The following WDPCP variants were observed in gnomAD, a reference collection of about 807,000 sequenced individuals.
The protein encoded by WDPCP is WD repeat containing planar cell polarity effector.
In WDPCP, 71 loss-of-function variants were observed where a neutral mutation model predicts 93.1. That is an observed-to-expected ratio of 0.76 (90% CI 0.63 to 0.93). The LOEUF (loss-of-function observed/expected upper bound fraction) is 0.93. Ranked by LOEUF, WDPCP falls within the 40% of genes least tolerant of loss-of-function variation. The probability of loss-of-function intolerance (pLI) is 0.00; values close to 1 mark genes in which losing one functional copy is unlikely to be tolerated. For synonymous variants in WDPCP, 315 were observed against 315.0 expected, an observed-to-expected ratio of 1.00 and a Z score of 0.00; for missense variants, 844 against 887.4, an observed-to-expected ratio of 0.95 and a Z score of 0.62.
chr2:63,592,538 G>T (rs1044584260), upstream of WDPCP, among the ~76,000 whole-genome samples: 1 of 152,080 alleles, frequency 6.6e-6, no homozygotes, highest in Non-Finnish European at 1.5e-5. Context: ...AAGAGACAGG[G>T]TTTCACTATG....
At chr2:63,838,042 C>T in the WDPCP span, among the ~76,000 whole-genome samples, 1 of 152,114 alleles carries the variant, frequency 6.6e-6, no homozygotes, top group South Asian at 2.1e-4. Flanking sequence ...TTGCATTGAG[C>T]CGAGATCGCA....
intron 1 of WDPCP, chr2:63,571,249 C>A: frequency 2.6e-6 from 1 of 388,568 alleles, no homozygotes; most frequent in Non-Finnish European, 5.0e-6. Context: ...TCACTTTCCT[C>A]ATGTGTAAAA....
At chr2:63,268,849 G>T (rs1682382050) in intron 13 of WDPCP, among the ~76,000 whole-genome samples, 1 of 152,054 alleles carries the variant, frequency 6.6e-6, no homozygotes, top group African/African-American at 2.4e-5. Context: ...ATGTGAATTA[G>T]CTCAAGGGAA....
intron 14 of WDPCP, among the ~76,000 whole-genome samples, chr2:63,202,988 A>T (rs1676034957): frequency 6.6e-6 from 1 of 151,988 alleles, no homozygotes; most frequent in Admixed American, 6.6e-5. Flanking sequence ...CGGGCCTCAA[A>T]TTTGTCATAT....
chr2:63,467,309 A>G (rs1292692910), intron 6 of WDPCP, among the ~76,000 whole-genome samples: 1 of 151,690 alleles, frequency 6.6e-6, no homozygotes, highest in Non-Finnish European at 1.5e-5. Context: ...GTGAAACCCC[A>G]TCTCTACTAA....
intron 2 of WDPCP, among the ~76,000 whole-genome samples, chr2:63,806,205 G>A (rs1039253495): frequency 5.3e-5 from 8 of 152,212 alleles, no homozygotes; most frequent in South Asian, 2.1e-4. Context: ...TTTCCTAAGC[G>A]TCGGCCAGCT....
chr2:63,640,920 C>T lies in WDPCP; in HGVS notation n.488+9739G>A, dbSNP rs576059110. On this transcript the variant is annotated intron_variant and non_coding_transcript_variant, in intron 3 of 4. Transcript: ENST00000467687. ...AAATGCTAGGTCTTATTCATGCTTT[C>T]GAACTATTTTTTGTACCCGTTAACC... Among the ~76,000 whole-genome samples the T allele has an allele frequency of 3.9e-5, 6 of 152,272 alleles. No homozygotes were observed. The East Asian group carries it at 7.7e-4, about 20-fold the overall frequency.
At chr2:63,272,202 C>T (rs1318861438) in intron 13 of WDPCP, among the ~76,000 whole-genome samples, 1 of 152,172 alleles carries the variant, frequency 6.6e-6, no homozygotes, top group Non-Finnish European at 1.5e-5. Flanking sequence ...CTAACAACTG[C>T]AGCCCAAGCA....
chr2:63,257,329 G>C (rs945047641), intron 14 of WDPCP, among the ~76,000 whole-genome samples: 23 of 152,102 alleles, frequency 1.5e-4, no homozygotes, highest in Non-Finnish European at 1.5e-5. Context: ...GAATTAAATT[G>C]AGGGAATTTG....
chr2:63,389,659 G>A (rs185886263), intron 10 of WDPCP, among the ~76,000 whole-genome samples: 11 of 152,206 alleles, frequency 7.2e-5, no homozygotes, highest in South Asian at 6.2e-4. Context: ...CCCATCTCAC[G>A]TGCAGAGACA....
intron 1 of WDPCP, among the ~76,000 whole-genome samples, chr2:63,524,095 C>A (rs1247071033): frequency 6.6e-6 from 1 of 152,118 alleles, no homozygotes; most frequent in Non-Finnish European, 1.5e-5. Flanking sequence ...TTGCAAAACA[C>A]TTCTCAAACA....
chr2:63,550,729 ATATATGTGCATATGTATG>A (rs1227040258), intron 1 of WDPCP, among the ~76,000 whole-genome samples: 2 of 150,662 alleles, frequency 1.3e-5, no homozygotes, highest in African/African-American at 4.9e-5. Context: ...ATATATACAT[ATATATGTGCATATGTATG>A]TGTATATATA....
chr2:63,567,508 T>C (rs1707163594), intron 1 of WDPCP, among the ~76,000 whole-genome samples: 1 of 152,216 alleles, frequency 6.6e-6, no homozygotes, highest in African/African-American at 2.4e-5. Flanking sequence ...CTAGCTTCTC[T>C]TGAGCCCCCA....
At chr2:63,731,225 C>T (rs966300667) in intron 2 of WDPCP, among the ~76,000 whole-genome samples, 10 of 146,920 alleles carry the variant, frequency 6.8e-5, no homozygotes, top group South Asian at 4.3e-4. Flanking sequence ...GCTGAGATTG[C>T]GACACTGCAC....
chr2:63,479,923 T>C (rs1700173384), intron 6 of WDPCP, among the ~76,000 whole-genome samples: 1 of 152,056 alleles, frequency 6.6e-6, no homozygotes, highest in East Asian at 1.9e-4. Context: ...TCCAAATGGG[T>C]AAAGAGGAAG....
rs894096866 is a variant in WDPCP, at chr2:63,721,928, G to A, written n.309-71090C>T. 3.3e-5 allele frequency among the ~76,000 whole-genome samples: 5 copies of A among 152,250 alleles called. No homozygotes were observed. The East Asian group carries it at 5.8e-4, about 18-fold the overall frequency. On this transcript the variant is annotated intron_variant and non_coding_transcript_variant, in intron 2 of 4. Coordinates refer to the WDPCP transcript ENST00000467687. ...CTGGTTTTGGTGGAGATGGGGTTTCGCTGTGTTGGCCAGGCCGGTCTCCAG... is the reference window on the plus strand; with the variant it reads ...CTGGTTTTGGTGGAGATGGGGTTTCACTGTGTTGGCCAGGCCGGTCTCCAG...
intron 12 of WDPCP, among the ~76,000 whole-genome samples, chr2:63,361,779 G>A (rs1018757389): frequency 6.6e-6 from 1 of 152,156 alleles, no homozygotes; most frequent in Admixed American, 6.5e-5. Flanking sequence ...GAGGAGCAGT[G>A]AGGACAAGGC....
chr2:63,752,246 A>G (rs1040233906), intron 2 of WDPCP: 7 of 775,824 alleles, frequency 9.0e-6, no homozygotes, highest in East Asian at 7.5e-5. Flanking sequence ...AATCACTTCA[A>G]TTTTTCCATA....
chr2:63,561,296 G>A (rs1446913869), intron 1 of WDPCP, among the ~76,000 whole-genome samples: 1 of 152,064 alleles, frequency 6.6e-6, no homozygotes, highest in Non-Finnish European at 1.5e-5. Context: ...GGCTAACATG[G>A]TGAAACACTG....
Sources: allele counts gnomAD v4.1 joint callset (sites outside exome capture counted in the v4.1 genomes callset), GRCh38; gene constraint gnomAD v4.1.1; transcripts MANE v1.5; gene names NCBI Gene and HGNC (gene_info 2026-07-23, HGNC 2026-07-21).